Variants in TVP23A observed in about 807,000 individuals in gnomAD.
TVP23A encodes trans-golgi network vesicle protein 23 homolog A, also known as Golgi apparatus membrane protein TVP23 homolog A.
Under a neutral mutation model 31.7 loss-of-function variants are expected in TVP23A, and 21 were observed. The observed-to-expected ratio is 0.66, with a 90% CI of 0.47 to 0.95. TVP23A has a LOEUF of 0.95. Ranked by LOEUF, TVP23A falls within the 40% of genes least tolerant of loss-of-function variation. The probability of loss-of-function intolerance (pLI) is 0.00; values close to 1 mark genes in which losing one functional copy is unlikely to be tolerated. For synonymous variants in TVP23A, 104 were observed against 96.0 expected (o/e 1.08, Z -0.49); for missense variants, 279 against 255.6 (o/e 1.09, Z -0.62).
Position 10,767,140 on chromosome 16 carries a change from G to T in TVP23A, c.*1962C>A. 2.5e-6 allele frequency: 1 copy of T among 398,854 alleles called. No homozygotes were observed. 24.7% of individuals were successfully genotyped at this position (398,854 alleles called of 1,614,324 possible). A position where few individuals can be genotyped will look rare whatever the true frequency, so the allele number is the denominator to read the frequency against. On this transcript the variant is annotated 3_prime_UTR_variant, in exon 8 of 8. Transcript: ENST00000299866. This position sits in a 1 kb window ranked among gnomAD's most constrained non-coding sequence, Gnocchi z 4.6. ...GGCAGTGCAGTCACTTGCCTGTTTCGCCAGCAGCTCAGGCCTGGGGAGTGG... is the reference window on the plus strand; with the variant it reads ...GGCAGTGCAGTCACTTGCCTGTTTCTCCAGCAGCTCAGGCCTGGGGAGTGG...
intron 2 of TVP23A, among the ~76,000 whole-genome samples, chr16:10,775,744 C>CTT (rs1004091841): frequency 2.6e-3 from 249 of 94,486 alleles, no homozygotes; most frequent in African/African-American, 3.1e-3. Context: ...AATTGCTTTT[C>CTT]TTTTTTTTTT....
chr16:10,818,416 T>C lies in TVP23A; in HGVS notation c.9+69A>G. ...GCGCATCCCTCCTCCTCCTCCCGGC[T>C]TCTCCAGCGCTCCCGCAGGCTCCCC... On this transcript the variant is annotated intron_variant, in intron 1 of 7. Coordinates refer to ENST00000299866, the MANE Select transcript of TVP23A (RefSeq NM_001079512.4). This position sits in a 1 kb window ranked among gnomAD's most constrained non-coding sequence, Gnocchi z 4.7. The C allele has an allele frequency of 1.9e-6, 3 of 1,577,118 alleles. No homozygotes were observed. In the Admixed American group the frequency reaches 5.3e-5, roughly 28 times the overall value.
Position 10,781,071 on chromosome 16 carries a change from A to G in TVP23A, c.90-5975T>C, listed in dbSNP as rs925111320. ...AAGAGGAGACTCGGTGCTAACGCCT[A>G]TAATCCCAGCACTTTGGGAGGCAGA... On this transcript the variant is annotated intron_variant, in intron 2 of 7. Transcript: ENST00000299866. Among the ~76,000 whole-genome samples the G allele has an allele frequency of 2.6e-5, 4 of 152,268 alleles. No homozygotes were observed. In the East Asian group the frequency reaches 5.8e-4, roughly 22 times the overall value.
intron 2 of TVP23A, among the ~76,000 whole-genome samples, chr16:10,780,096 TG>T (rs2032330109): frequency 6.9e-6 from 1 of 144,374 alleles, no homozygotes; most frequent in Non-Finnish European, 1.5e-5. Flanking sequence ...TCAAAATGAA[TG>T]AATGAATGAA....
At chr16:10,762,695 G>A (rs904417156), downstream of TVP23A, among the ~76,000 whole-genome samples, 2 of 152,284 alleles carry the variant, frequency 1.3e-5, no homozygotes, top group Admixed American at 6.5e-5. Flanking sequence ...CCCATGCCTC[G>A]GAACTTCCAC....
intron 2 of TVP23A, among the ~76,000 whole-genome samples, chr16:10,783,464 C>T (rs2032546855): frequency 6.6e-6 from 1 of 152,244 alleles, no homozygotes; most frequent in South Asian, 2.1e-4. Context: ...TCACTTGAGA[C>T]CAAGAGTTCG....
At chr16:10,770,700 C>CCAT (rs1567274874) in intron 6 of TVP23A, among the ~76,000 whole-genome samples, 1 of 151,180 alleles carries the variant, frequency 6.6e-6, no homozygotes, top group African/African-American at 2.4e-5. Flanking sequence ...TGGAGAGACC[C>CCAT]CGTCTACTAT....
Position 10,808,435 on chromosome 16 carries a change from T to C in TVP23A, c.89+9668A>G, listed in dbSNP as rs78544886. The C allele has an allele frequency of 5.0e-3, 2,167 of 437,342 alleles. 31 individuals are homozygous for C. Among genetic ancestry groups the C allele is most frequent in the African/African-American group, 0.035 (1,708 of 48,978 alleles). The allele number at this position is 437,342 out of a possible 1,614,324, so 27.1% of individuals were successfully genotyped here. Reference sequence around the variant, plus strand: ...CCCACTAACATGTGATTTCCTGTAGTGTCTGAGACCACAGGACAATGATCT... The same window carrying C: ...CCCACTAACATGTGATTTCCTGTAGCGTCTGAGACCACAGGACAATGATCT... On this transcript the variant is annotated intron_variant, in intron 2 of 7. Transcript: ENST00000299866.
intron 2 of TVP23A, among the ~76,000 whole-genome samples, chr16:10,815,359 C>T (rs536188068): frequency 6.6e-6 from 1 of 152,332 alleles, no homozygotes; most frequent in East Asian, 1.9e-4. Flanking sequence ...TTGTAGTGAG[C>T]CGAGATTGCA....
intron 2 of TVP23A, chr16:10,775,566 G>A: frequency 9.9e-7 from 1 of 1,006,352 alleles, no homozygotes; most frequent in Non-Finnish European, 1.2e-6. Flanking sequence ...AGGGAAACAT[G>A]TGACCTGTGA....
At chr16:10,762,370 A>T (rs1201418008), downstream of TVP23A, among the ~76,000 whole-genome samples, 1 of 152,182 alleles carries the variant, frequency 6.6e-6, no homozygotes, top group Admixed American at 6.5e-5. Flanking sequence ...CTTCTTAAGT[A>T]CGTGGGTCTC....
intron 2 of TVP23A, among the ~76,000 whole-genome samples, chr16:10,802,240 ACG>A (rs2033730268): frequency 3.0e-5 from 3 of 101,324 alleles, no homozygotes; most frequent in Admixed American, 1.1e-4. Context: ...TTTATATGAT[ACG>A]TGTGTGTGTG....
chr16:10,767,302 TG>T lies in TVP23A; in HGVS notation c.*1799del. 2.5e-6 allele frequency: 1 copy of T among 399,230 alleles called. No individual in the cohort carries two copies. Among genetic ancestry groups the T allele is most frequent in the Non-Finnish European group, 4.4e-6 (1 of 226,580 alleles). The allele number at this position is 399,230 out of a possible 1,614,324, so 24.7% of individuals were successfully genotyped here. A position where few individuals can be genotyped will look rare whatever the true frequency, so the allele number is the denominator to read the frequency against. On this transcript the variant is annotated 3_prime_UTR_variant, in exon 8 of 8. Transcript: ENST00000299866. This position sits in a 1 kb window ranked among gnomAD's most constrained non-coding sequence, Gnocchi z 4.6. ...GGGATAACATGGTCCTAGAGAAACC[TG>T]GGTGTGCATAGGAGGGGACTGGAAC...
intron 2 of TVP23A, among the ~76,000 whole-genome samples, chr16:10,815,007 C>A (rs2034373071): frequency 6.6e-6 from 1 of 152,202 alleles, no homozygotes; most frequent in East Asian, 1.9e-4. Context: ...GCCTAACCAA[C>A]TCCTACCCTA....
intron 4 of TVP23A, 91 bp downstream of exon 4, chr16:10,773,948 T>C: frequency 1.0e-6 from 1 of 994,962 alleles, no homozygotes; most frequent in Non-Finnish European, 1.5e-6. Context: ...AAGGCAGGAA[T>C]CAGATATGCA....
intron 2 of TVP23A, among the ~76,000 whole-genome samples, chr16:10,787,500 C>A (rs2032836230): frequency 1.3e-5 from 2 of 151,732 alleles, no homozygotes; most frequent in Non-Finnish European, 2.9e-5. Context: ...GGGCAGGCAA[C>A]ATGGCACCAG....
intron 2 of TVP23A, among the ~76,000 whole-genome samples, chr16:10,798,570 G>T (rs554230279): frequency 6.6e-6 from 1 of 152,312 alleles, no homozygotes; most frequent in South Asian, 2.1e-4. Context: ...CAGGGGTCCT[G>T]GTCATCAGAG....
Position 10,777,508 on chromosome 16 carries a change from G to A in TVP23A, c.90-2412C>T, listed in dbSNP as rs1014081307. ...CTCCCCAAGAAGAAACGGAGTCCGA[G>A]TCAACAAACCACAGGTGCCTCTACA... On this transcript the variant is annotated intron_variant, in intron 2 of 7. Coordinates refer to ENST00000299866, the MANE Select transcript of TVP23A (RefSeq NM_001079512.4). This position sits in a 1 kb window ranked among gnomAD's most constrained non-coding sequence, Gnocchi z 4.5. Among the ~76,000 whole-genome samples the A allele has an allele frequency of 1.3e-5, 2 of 152,236 alleles. No individual in the cohort carries two copies. The highest frequency in any genetic ancestry group is 4.8e-5 in the African/African-American group (2 of 41,540).
intron 2 of TVP23A, among the ~76,000 whole-genome samples, chr16:10,813,019 C>T (rs1222710508): frequency 6.6e-6 from 1 of 152,162 alleles, no homozygotes; most frequent in Non-Finnish European, 1.5e-5. Flanking sequence ...CTCCACTGAT[C>T]CTGCAAGATG....
Sources: gnomAD v4.1 joint callset for allele counts (sites outside exome capture counted in the v4.1 genomes callset) on GRCh38, gnomAD v4.1.1 for gene constraint, Gnocchi (gnomAD v3.1) non-coding constraint, MANE v1.5 for transcripts, NCBI Gene and HGNC (gene_info 2026-07-23, HGNC 2026-07-21) for gene names.